Variants in LNX1 observed in about 807,000 individuals in gnomAD.
The protein encoded by LNX1 is ligand of numb-protein X 1.
LNX1 carries 54 observed loss-of-function variants against 68.4 expected under a neutral mutation model. The observed-to-expected ratio is 0.79, with a 90% confidence interval of 0.63 to 0.99. The LOEUF (loss-of-function observed/expected upper bound fraction) is 0.99, where lower values mean the gene tolerates loss of function less well. LNX1 is among the 50% of genes least tolerant of loss of function. LNX1 has a pLI of 0.00. For missense variants in LNX1, 906 were observed against 926.4 expected, an observed-to-expected ratio of 0.98 and a Z score of 0.29; for synonymous variants, 336 against 350.0, an observed-to-expected ratio of 0.96 and a Z score of 0.45.
intron 2 of LNX1, among the ~76,000 whole-genome samples, chr4:53,609,609 A>T (rs1349422550): frequency 1.4e-5 from 2 of 146,158 alleles, no homozygotes; most frequent in African/African-American, 5.0e-5. Flanking sequence ...TATATGTTAT[A>T]CTATATGTTA....
chr4:53,494,652 T>C (rs1724924197), intron 6 of LNX1, among the ~76,000 whole-genome samples: 1 of 152,248 alleles, frequency 6.6e-6, no homozygotes, highest in Non-Finnish European at 1.5e-5. Context: ...AAAGTCCAGC[T>C]TTCCTGCCAC....
At chr4:53,533,613 T>G (rs376230540) in intron 2 of LNX1, among the ~76,000 whole-genome samples, 2 of 152,318 alleles carry the variant, frequency 1.3e-5, no homozygotes, top group East Asian at 3.9e-4. Context: ...TTGATCAGAC[T>G]GGTCTCAAAC....
chr4:53,480,724 T>C (rs1437449030), intron 7 of LNX1, among the ~76,000 whole-genome samples: 1 of 152,146 alleles, frequency 6.6e-6, no homozygotes, highest in Non-Finnish European at 1.5e-5. Context: ...GTAATTAACA[T>C]AGTATAAAGC....
intron 6 of LNX1, among the ~76,000 whole-genome samples, chr4:53,492,434 C>T (rs1042997863): frequency 1.1e-4 from 16 of 149,172 alleles, no homozygotes; most frequent in African/African-American, 3.4e-4. Flanking sequence ...GGCCACAAGA[C>T]GTATGGCATT....
At chr4:53,574,821 A>C (rs1410552379) in intron 1 of LNX1, among the ~76,000 whole-genome samples, 1 of 152,200 alleles carries the variant, frequency 6.6e-6, no homozygotes, top group East Asian at 1.9e-4. Flanking sequence ...TTAGATTTGC[A>C]TCTACCACAT....
In LNX1 at chr4:53,549,839, G is replaced by A. The variant is rs188866850; in HGVS notation, c.380+23784C>T. Among the ~76,000 whole-genome samples the A allele has an allele frequency of 6.2e-4, 95 of 152,258 alleles. 1 individual carries two copies. Among genetic ancestry groups the A allele is most frequent in the African/African-American group, 2.2e-3 (92 of 41,548 alleles). Reference sequence around the variant, plus strand: ...AAGAAAATAAGTCAACCAACATGAAGCGGTCAGTGAGATTCTTACGGACAT... The same window carrying A: ...AAGAAAATAAGTCAACCAACATGAAACGGTCAGTGAGATTCTTACGGACAT... On this transcript the variant is annotated intron_variant, in intron 2 of 10. Coordinates refer to ENST00000263925, the MANE Select transcript of LNX1 (RefSeq NM_001126328.3).
At chr4:53,471,790 C>T (rs573473580) in intron 9 of LNX1, among the ~76,000 whole-genome samples, 1 of 152,268 alleles carries the variant, frequency 6.6e-6, no homozygotes, top group South Asian at 2.1e-4. Flanking sequence ...CAATGAGATA[C>T]CATCTCACAC....
At chr4:53,525,226 C>A (rs868355944) in intron 2 of LNX1, among the ~76,000 whole-genome samples, 9 of 152,286 alleles carry the variant, frequency 5.9e-5, no homozygotes, top group Middle Eastern at 3.4e-3. Flanking sequence ...GGCTCACACA[C>A]ATCCCAGCAC....
intron 2 of LNX1, among the ~76,000 whole-genome samples, chr4:53,572,381 C>G (rs1285322856): frequency 1.3e-5 from 2 of 152,186 alleles, no homozygotes; most frequent in South Asian, 2.1e-4. Flanking sequence ...GGCTGAACGT[C>G]TTGGGGAGAA....
chr4:53,595,014 C>T (rs1364379205), upstream of LNX1, among the ~76,000 whole-genome samples: 2 of 152,204 alleles, frequency 1.3e-5, no homozygotes, highest in Non-Finnish European at 2.9e-5. Flanking sequence ...GTCCCCTTTT[C>T]TATCTCTAGT....
At chr4:53,499,134 G>A (rs900518425) in intron 4 of LNX1, among the ~76,000 whole-genome samples, 16 of 151,946 alleles carry the variant, frequency 1.1e-4, no homozygotes, top group African/African-American at 3.9e-4. Context: ...TATTTCTCAT[G>A]GCACTCAACC....
In LNX1 at chr4:53,509,769, A is replaced by T. The variant is rs529713430; in HGVS notation, c.381-1542T>A. On this transcript the variant is annotated intron_variant, in intron 2 of 10. Transcript: ENST00000263925. ...ATGCTTTAACATGTCTAAAATCAGG[A>T]TGCATGTGTGATTGATGGGGTTGTG... 2.6e-5 allele frequency among the ~76,000 whole-genome samples: 4 copies of T among 152,278 alleles called. No individual in the cohort carries two copies. In the South Asian group the frequency reaches 8.3e-4, roughly 32 times the overall value.
intron 1 of LNX1, chr4:53,652,020 T>TGTGAGAGAGAGAGAGA (rs1299346353): frequency 1.3e-3 from 137 of 106,936 alleles, no homozygotes; most frequent in Middle Eastern, 4.9e-3. Context: ...TGTGTGTGTG[T>TGTGAGAGAGAGAGAGA]GAGAGAGAGA....
chr4:53,543,163 T>G (rs141985747), intron 2 of LNX1, among the ~76,000 whole-genome samples: 83 of 152,338 alleles, frequency 5.4e-4, no homozygotes, highest in African/African-American at 1.9e-3. Flanking sequence ...GTCTGTCCTG[T>G]GTGCTACTGT....
chr4:53,554,036 C>G (rs565047762), intron 2 of LNX1, among the ~76,000 whole-genome samples: 2 of 152,316 alleles, frequency 1.3e-5, no homozygotes, highest in African/African-American at 4.8e-5. Flanking sequence ...TAGCCTGTCC[C>G]AGGAAACGTG....
intron 6 of LNX1, among the ~76,000 whole-genome samples, chr4:53,492,385 A>C (rs1724740513): frequency 6.6e-6 from 1 of 152,134 alleles, no homozygotes; most frequent in Non-Finnish European, 1.5e-5. Flanking sequence ...AGAATACTAA[A>C]TATCCTCTTC....
At position 53,555,785 on chromosome 4, in the gene LNX1, T is replaced by C. The variant is rs545343254; in HGVS notation, c.380+17838A>G. Among the ~76,000 whole-genome samples the C allele has an allele frequency of 2.0e-5, 3 of 152,346 alleles. No individual in the cohort carries two copies. In the East Asian group the frequency reaches 5.8e-4, roughly 29 times the overall value. ...ACACCATCCTGGTAATGGTGATTCC[T>C]GGCAAAGTATGATTCCCTAGCATCA... On this transcript the variant is annotated intron_variant, in intron 2 of 10. Coordinates refer to ENST00000263925, the MANE Select transcript of LNX1 (RefSeq NM_001126328.3).
chr4:53,591,251 A>G (rs1354986062), intron 1 of LNX1, 137 bp downstream of exon 1: 2 of 321,390 alleles, frequency 6.2e-6, no homozygotes, highest in East Asian at 1.7e-4. Flanking sequence ...TTCTGTCTCA[A>G]AAAAGCTTCT....
At chr4:53,491,973 G>C (rs1484872299) in intron 6 of LNX1, among the ~76,000 whole-genome samples, 1 of 151,966 alleles carries the variant, frequency 6.6e-6, no homozygotes, top group Non-Finnish European at 1.5e-5. Context: ...TTTTAGTAGA[G>C]ATAGGATTTC....
Sources: gnomAD v4.1 joint callset for allele counts (sites outside exome capture counted in the v4.1 genomes callset) on GRCh38, gnomAD v4.1.1 for gene constraint, MANE v1.5 for transcripts, NCBI Gene and HGNC (gene_info 2026-07-23, HGNC 2026-07-21) for gene names.